The following ZNF76 variants were observed in gnomAD, a reference collection of about 807,000 sequenced individuals.
The protein encoded by ZNF76 is zinc finger protein 76, also known as zinc finger protein 523.
A neutral mutation model predicts 66.9 loss-of-function variants in ZNF76; 66 were observed. The ratio of observed to expected loss-of-function variants is 0.99; its 90% CI spans 0.81 to 1.21. The LOEUF (loss-of-function observed/expected upper bound fraction) is 1.21. Among genes scored for constraint, ZNF76 ranks in the 50% most tolerant of loss-of-function variants. The probability of loss-of-function intolerance (pLI) is 0.00; values close to 1 mark genes in which losing one functional copy is unlikely to be tolerated. For missense variants in ZNF76, 729 were observed against 760.3 expected (o/e 0.96, Z 0.48); for synonymous variants, 275 against 296.1 (o/e 0.93, Z 0.73).
At chr6:35,289,352 T>C (rs1790050754) in intron 5 of ZNF76, among the ~76,000 whole-genome samples, 4 of 152,160 alleles carry the variant, frequency 2.6e-5, no homozygotes, top group Non-Finnish European at 5.9e-5. Flanking sequence ...AGAAGCTGTT[T>C]AAGTGTCCGT....
intron 5 of ZNF76, among the ~76,000 whole-genome samples, chr6:35,289,815 C>T (rs1790109588): frequency 6.6e-6 from 1 of 152,144 alleles, no homozygotes; most frequent in African/African-American, 2.4e-5. Flanking sequence ...TGTTTATGTA[C>T]TTTTAAGCAC....
intron 1 of ZNF76, among the ~76,000 whole-genome samples, chr6:35,266,734 C>T (rs567298145): frequency 5.9e-5 from 9 of 151,550 alleles, no homozygotes; most frequent in Non-Finnish European, 1.3e-4. Flanking sequence ...ACTCCTCTGG[C>T]AACGCAGGCC....
In ZNF76 at chr6:35,293,027, C is replaced by T; in HGVS notation, c.1312C>T (p.Gln438Ter). 6.2e-7 allele frequency: 1 copy of T among 1,614,022 alleles called. No individual in the cohort carries two copies. Among genetic ancestry groups the T allele is most frequent in the East Asian group, 2.2e-5 (1 of 44,888 alleles). ...DGAPQVALIT[Q>*]DGAQQVSLSP... The stretch of plus-strand genomic sequence containing the variant: ...GGCCCCCCAGGTGGCTCTGATCACT[C>T]AGGATGGTGCCCAGCAGGTACAGGC... The change falls in exon 11 of 14, where the codon CAG (glutamine) becomes TAG (stop). Residue 438 changes from glutamine to a stop codon, truncating the protein, a stop_gained. Transcript: ENST00000373953. LOFTEE classifies it high-confidence loss of function.
Position 35,295,686 on chromosome 6 carries a change from A to C in ZNF76, c.*438A>C. The C allele has an allele frequency of 1.5e-5, 3 of 199,596 alleles. No homozygotes were observed. The highest frequency in any genetic ancestry group is 8.4e-5 in the South Asian group (1 of 11,968). 12.4% of individuals were successfully genotyped at this position (199,596 alleles called of 1,614,324 possible). A position where few individuals can be genotyped will look rare whatever the true frequency, so the allele number is the denominator to read the frequency against. ...CTGTCCTGCCCTCCCAGCAATAACC[A>C]CCTCCCTGGAGGCCAGCTGAGATGC... is the stretch of plus-strand genomic sequence containing the variant. On this transcript the variant is annotated 3_prime_UTR_variant, in exon 14 of 14. Transcript: ENST00000373953.
intron 1 of ZNF76, chr6:35,279,128 A>T (rs959481314): frequency 1.9e-5 from 3 of 153,894 alleles, no homozygotes; most frequent in African/African-American, 7.3e-5. Context: ...TTAGATTTGT[A>T]CTCTTTTTTT....
chr6:35,290,681 G>A lies in ZNF76; in HGVS notation c.590G>A (p.Cys197Tyr). ...RAHTGDRPYR[C>Y]DFPSCGKAFA... ...CATACAGGTGACCGTCCATACAGAT[G>A]TGACTTCCCCAGCTGTGGAAAGGCC... Residue 197 changes from cysteine to tyrosine, a missense_variant, in exon 7 of 14, where the codon TGT (cysteine) becomes TAT (tyrosine). By Grantham distance (194) the Cys-to-Tyr change is radical. Coordinates refer to ENST00000373953, the MANE Select transcript of ZNF76 (RefSeq NM_003427.5). 1 of 1,614,238 alleles carries A rather than the reference G, an allele frequency of 6.2e-7. No homozygotes were observed.
chr6:35,264,224 A>G (rs1041123959), intron 1 of ZNF76, among the ~76,000 whole-genome samples: 4 of 152,234 alleles, frequency 2.6e-5, no homozygotes, highest in Non-Finnish European at 4.4e-5. Context: ...AAGTTCTCCA[A>G]ACATGATAAT....
At chr6:35,261,635 TC>T (rs1280683541) in intron 1 of ZNF76, among the ~76,000 whole-genome samples, 3 of 152,162 alleles carry the variant, frequency 2.0e-5, no homozygotes, top group Non-Finnish European at 4.4e-5. Context: ...TGCCTGTCTT[TC>T]CCCCAGACTT....
Position 35,295,195 on chromosome 6 carries a change from A to T in ZNF76, c.1660A>T (p.Met554Leu). ...EEAINVATAAMQQGAVTLETT... is the reference protein window; with the variant it reads ...EEAINVATAALQQGAVTLETT... ...GGCCATCAATGTGGCCACTGCGGCCATGCAGCAAGGGGCTGTGACCCTGGA... is the reference window on the plus strand; with the variant it reads ...GGCCATCAATGTGGCCACTGCGGCCTTGCAGCAAGGGGCTGTGACCCTGGA... Residue 554 changes from methionine to leucine, a missense_variant, in exon 14 of 14, where the codon ATG (methionine) becomes TTG (leucine). Physicochemically the swap from Met to Leu is conservative, Grantham distance 15. Coordinates refer to ENST00000373953, the MANE Select transcript of ZNF76 (RefSeq NM_003427.5). The T allele has an allele frequency of 3.7e-6, 6 of 1,612,412 alleles. No homozygotes were observed. Among genetic ancestry groups the T allele is most frequent in the Non-Finnish European group, 5.1e-6 (6 of 1,179,294 alleles).
At position 35,292,425 on chromosome 6, in the gene ZNF76, A is replaced by T; in HGVS notation, c.932-129A>T. 2 of 877,430 alleles carry T rather than the reference A, an allele frequency of 2.3e-6. No homozygotes were observed. The highest frequency in any genetic ancestry group is 3.6e-6 in the Non-Finnish European group (2 of 549,266). The allele number at this position is 877,430 out of a possible 1,614,324, so 54.4% of individuals were successfully genotyped here. A position where few individuals can be genotyped will look rare whatever the true frequency, so the allele number is the denominator to read the frequency against. ...ATCTTCCCCAACCCTGTCCATTCAG[A>T]GTCTCAGGTCTCAGTCCCTCTCCCT... On this transcript the variant is annotated intron_variant, in intron 9 of 13. Transcript: ENST00000373953. This position sits in a 1 kb window ranked among gnomAD's most constrained non-coding sequence, Gnocchi z 4.7.
At chr6:35,270,488 C>T (rs1786878398) in intron 1 of ZNF76, 1 of 152,168 alleles carries the variant, frequency 6.6e-6, no homozygotes, top group Non-Finnish European at 1.5e-5. Flanking sequence ...CTTCCATCGT[C>T]ATCACCACTC....
Position 35,292,502 on chromosome 6 carries a change from T to C in ZNF76, c.932-52T>C. 1 of 1,604,236 alleles carries C rather than the reference T, an allele frequency of 6.2e-7. No homozygotes were observed. Among genetic ancestry groups the C allele is most frequent in the Non-Finnish European group, 8.5e-7 (1 of 1,173,270 alleles). ...TGTCCCTCACCCCTGTCCCCTTAGT[T>C]TCCCCCTTGCCAGCCCCAGTTCCCA... is the stretch of plus-strand genomic sequence containing the variant. On this transcript the variant is annotated intron_variant, in intron 9 of 13. Transcript: ENST00000373953. The surrounding 1 kb of genome is among the most constrained non-coding windows in gnomAD (Gnocchi z 4.7).
At chr6:35,272,469 CTG>C (rs58456911) in intron 1 of ZNF76, among the ~76,000 whole-genome samples, 3,567 of 149,508 alleles carry the variant, frequency 0.024, 53 homozygotes, top group African/African-American at 0.039. Flanking sequence ...GACCCTGTTT[CTG>C]TGTGTGTGTG....
rs1167226325 is a variant in ZNF76 at position 35,287,456 on chromosome 6, A to G, written c.233-190A>G. Among the ~76,000 whole-genome samples the G allele has an allele frequency of 6.6e-6, 1 of 152,172 alleles. No homozygotes were observed. Among genetic ancestry groups the G allele is most frequent in the East Asian group, 1.9e-4 (1 of 5,196 alleles). ...GAGTTCCCATTTAGTGTACCATAGG[A>G]GACCTCATCCTTAGGTGAGACAGCT... On this transcript the variant is annotated intron_variant, in intron 4 of 13. Coordinates refer to ENST00000373953, the MANE Select transcript of ZNF76 (RefSeq NM_003427.5). This position sits in a 1 kb window ranked among gnomAD's most constrained non-coding sequence, Gnocchi z 4.0.
chr6:35,294,581 T>G lies in ZNF76; in HGVS notation c.1608+12T>G, dbSNP rs901856347. 6.3e-7 allele frequency: 1 copy of G among 1,587,660 alleles called. No individual in the cohort carries two copies. Among genetic ancestry groups the G allele is most frequent in the Admixed American group, 1.7e-5 (1 of 59,978 alleles). ...ACATTGCAGTGCAGGTGAGTAGAGA[T>G]CTGGGAGGAAAGGGGATCCCACGGC... is the stretch of plus-strand genomic sequence containing the variant. On this transcript the variant is annotated intron_variant, in intron 13 of 13. Coordinates refer to ENST00000373953, the MANE Select transcript of ZNF76 (RefSeq NM_003427.5).
chr6:35,295,278 T>G lies in ZNF76; in HGVS notation c.*30T>G, dbSNP rs747786557. On this transcript the variant is annotated 3_prime_UTR_variant, in exon 14 of 14. Transcript: ENST00000373953. The stretch of plus-strand genomic sequence containing the variant: ...AAGAGGGCTGGGTCCCACACCATGC[T>G]GGAGGAAGTGCCATCTGCATGGCCA... 6.5e-7 allele frequency: 1 copy of G among 1,549,158 alleles called. No individual in the cohort carries two copies. Among genetic ancestry groups the G allele is most frequent in the South Asian group, 1.2e-5 (1 of 85,480 alleles).
chr6:35,267,176 C>T (rs1163823030), intron 1 of ZNF76, among the ~76,000 whole-genome samples: 1 of 152,092 alleles, frequency 6.6e-6, no homozygotes, highest in East Asian at 1.9e-4. Context: ...AGGCTCACTG[C>T]AGCAGTGACC....
At chr6:35,294,269 G>C (rs979355097) in intron 12 of ZNF76, 187 bp from the exon 13 acceptor site, 1 of 595,244 alleles carries the variant, frequency 1.7e-6, no homozygotes, top group African/African-American at 1.9e-5. Context: ...ATTAAATTGG[G>C]CTCTAAGTTG....
intron 4 of ZNF76, chr6:35,286,679 C>A: frequency 1.9e-6 from 1 of 533,598 alleles, no homozygotes; most frequent in Non-Finnish European, 3.4e-6. Context: ...AGTCTTAGGG[C>A]TTTAAATAGG....
Sources: allele counts gnomAD v4.1 joint callset (sites outside exome capture counted in the v4.1 genomes callset), GRCh38; gene constraint gnomAD v4.1.1; non-coding constraint Gnocchi (gnomAD v3.1); transcripts MANE v1.5; gene names NCBI Gene and HGNC (gene_info 2026-07-23, HGNC 2026-07-21).